CBX3: variants seen among roughly 807,000 people sequenced by gnomAD.
The protein encoded by CBX3 is chromobox 3.
A neutral mutation model predicts 22.6 loss-of-function variants in CBX3; 5 were observed. The ratio of observed to expected loss-of-function variants is 0.22; its 90% confidence interval spans 0.12 to 0.47. The LOEUF is 0.47. CBX3 is among the 20% of genes least tolerant of loss of function. The probability of loss-of-function intolerance (pLI) is 0.99; values close to 1 mark genes in which losing one functional copy is unlikely to be tolerated. For synonymous variants in CBX3, 50 were observed against 66.6 expected, an observed-to-expected ratio of 0.75 and a Z score of 1.21; for missense variants, 83 against 208.1, an observed-to-expected ratio of 0.40 and a Z score of 3.70.
chr7:26,206,968 C>T (rs1784689566), intron 3 of CBX3, among the ~76,000 whole-genome samples: 2 of 152,116 alleles, frequency 1.3e-5, no homozygotes, highest in African/African-American at 2.4e-5. Flanking sequence ...ATGTTTTAAG[C>T]TCTCTGGTTC....
At chr7:26,208,638 G>A in intron 4 of CBX3, 83 bp downstream of exon 4, 1 of 1,324,240 alleles carries the variant, frequency 7.6e-7, no homozygotes, top group Non-Finnish European at 1.0e-6. Context: ...TTGTTTTTTT[G>A]AGATGGAGTC....
At chr7:26,209,325 G>GTAAA (rs1185991717) in intron 4 of CBX3, among the ~76,000 whole-genome samples, 2 of 152,160 alleles carry the variant, frequency 1.3e-5, no homozygotes, top group East Asian at 3.9e-4. Context: ...CCTACTTTGT[G>GTAAA]TAAATGTGCA....
rs569181374 is a variant in CBX3 at position 26,205,174 on chromosome 7, T to C, written c.25-1194T>C. Among the ~76,000 whole-genome samples, 686 of 152,216 alleles carry C rather than the reference T, an allele frequency of 4.5e-3. 4 individuals are homozygous for C. Among genetic ancestry groups the C allele is most frequent in the Non-Finnish European group, 7.3e-3 (499 of 67,992 alleles). ...TGATTAACCATTTCAGGGTTTTTTT[T>C]CCCCCATTTTTAATCCTCTCATAAA... On this transcript the variant is annotated intron_variant, in intron 2 of 5. Coordinates refer to ENST00000396386, the MANE Select transcript of CBX3 (RefSeq NM_016587.4).
chr7:26,204,804 T>C (rs1784637655), intron 2 of CBX3, among the ~76,000 whole-genome samples: 2 of 152,192 alleles, frequency 1.3e-5, no homozygotes, highest in Non-Finnish European at 2.9e-5. Context: ...TTTGTGTTTT[T>C]TTGAGACAGA....
intron 2 of CBX3, among the ~76,000 whole-genome samples, chr7:26,204,062 T>C (rs916189825): frequency 2.6e-5 from 4 of 152,226 alleles, no homozygotes; most frequent in Non-Finnish European, 4.4e-5. Flanking sequence ...GTGAGATATG[T>C]GTGCTGTTAA....
At chr7:26,203,871 GTC>G (rs751747704) in intron 2 of CBX3, among the ~76,000 whole-genome samples, 4 of 152,138 alleles carry the variant, frequency 2.6e-5, no homozygotes, top group Non-Finnish European at 4.4e-5. Context: ...TCTGCATTAA[GTC>G]TGTTTACCCT....
chr7:26,201,644 G>C (rs982256190), upstream of CBX3: 6 of 136,986 alleles, frequency 4.4e-5, no homozygotes, highest in Admixed American at 3.7e-4. Flanking sequence ...CCCTCCCCCC[G>C]CCGGGCGCGC....
Position 26,212,220 on chromosome 7 carries a change from G to A in CBX3, c.*12G>A, listed in dbSNP as rs771563880. On this transcript the variant is annotated 3_prime_UTR_variant, in exon 6 of 6. Coordinates refer to ENST00000396386, the MANE Select transcript of CBX3 (RefSeq NM_016587.4). ...ATGAAGCTCAATAATTGTTCACATT[G>A]TTCTTTTATATATATTTATATATAT... is the stretch of plus-strand genomic sequence containing the variant. 18 of 1,368,594 alleles carry A rather than the reference G, an allele frequency of 1.3e-5. No individual in the cohort carries two copies. The African/African-American group carries it at 2.6e-4, about 19-fold the overall frequency. The allele number at this position is 1,368,594 out of a possible 1,614,324, so 84.8% of individuals were successfully genotyped here.
intron 2 of CBX3, among the ~76,000 whole-genome samples, chr7:26,204,684 G>T (rs762011465): frequency 3.9e-5 from 6 of 152,146 alleles, no homozygotes; most frequent in Admixed American, 1.3e-4. Flanking sequence ...TCCTTCTGTA[G>T]CCTTGAGGTG....
Position 26,213,156 on chromosome 7 carries a change from C to G in CBX3, c.*948C>G, listed in dbSNP as rs1411667954. Reference sequence around the variant, plus strand: ...AAATGTGTGAACAACCTTTTGTAACCTAACCTATTGACCTGCATGTTTTTT... The same window carrying G: ...AAATGTGTGAACAACCTTTTGTAACGTAACCTATTGACCTGCATGTTTTTT... On this transcript the variant is annotated 3_prime_UTR_variant, in exon 6 of 6. Coordinates refer to ENST00000396386, the MANE Select transcript of CBX3 (RefSeq NM_016587.4). The G allele has an allele frequency of 6.6e-6, 1 of 152,660 alleles. No individual in the cohort carries two copies. Among genetic ancestry groups the G allele is most frequent in the East Asian group, 1.9e-4 (1 of 5,206 alleles). The allele number at this position is 152,660 out of a possible 1,614,324, so 9.5% of individuals were successfully genotyped here. A position where few individuals can be genotyped will look rare whatever the true frequency, so the allele number is the denominator to read the frequency against.
At chr7:26,210,451 G>A (rs886303007) in intron 4 of CBX3, 2 of 152,196 alleles carry the variant, frequency 1.3e-5, no homozygotes, top group Non-Finnish European at 2.9e-5. Context: ...ACCACAAAGA[G>A]GTTAATTAAC....
rs540502792 is a variant in CBX3 at position 26,211,624 on chromosome 7, C to T, written c.331-38C>T. On this transcript the variant is annotated intron_variant, in intron 4 of 5. Coordinates refer to ENST00000396386, the MANE Select transcript of CBX3 (RefSeq NM_016587.4). ...AATACGCCATGAAAACAATTTAATA[C>T]TCTGAGTTTGCTGTATGAAAAAATG... 5.6e-4 allele frequency: 728 copies of T among 1,309,566 alleles called. 8 individuals are homozygous for T. The South Asian group carries it at 8.7e-3, about 16-fold the overall frequency. 81.1% of individuals were successfully genotyped at this position (1,309,566 alleles called of 1,614,324 possible). A position where few individuals can be genotyped will look rare whatever the true frequency, so the allele number is the denominator to read the frequency against.
Position 26,201,767 on chromosome 7 carries a change from A to AG in CBX3, c.-86dup, listed in dbSNP as rs1171066156. On this transcript the variant is annotated 5_prime_UTR_variant, in exon 1 of 6. Transcript: ENST00000396386. ...CCCCTTCGGATGTGGCTTGAGCTGTAGGCGCGGAGGGCCGGAGACGCTGCA... is the reference window on the plus strand; with the variant it reads ...CCCCTTCGGATGTGGCTTGAGCTGTAGGGCGCGGAGGGCCGGAGACGCTGCA... The AG allele has an allele frequency of 1.5e-5, 4 of 262,748 alleles. No individual in the cohort carries two copies. Among genetic ancestry groups the AG allele is most frequent in the Admixed American group, 1.4e-4 (3 of 21,028 alleles). 16.3% of individuals were successfully genotyped at this position (262,748 alleles called of 1,614,324 possible). A position where few individuals can be genotyped will look rare whatever the true frequency, so the allele number is the denominator to read the frequency against.
At chr7:26,208,865 G>A (rs993103801) in intron 4 of CBX3, among the ~76,000 whole-genome samples, 10 of 133,578 alleles carry the variant, frequency 7.5e-5, no homozygotes, top group South Asian at 2.5e-4. Context: ...TGATCCTCCC[G>A]CCTCGGCCTC....
chr7:26,211,847 ACTAT>A (rs1437732830), intron 5 of CBX3, 91 bp downstream of exon 5: 1 of 1,012,514 alleles, frequency 9.9e-7, no homozygotes, highest in Non-Finnish European at 1.5e-6. Context: ...GTAGGGAAAA[ACTAT>A]CTGCTGAGAG....
chr7:26,209,115 C>T (rs1373532416), intron 4 of CBX3, among the ~76,000 whole-genome samples: 1 of 151,018 alleles, frequency 6.6e-6, no homozygotes, highest in African/African-American at 2.4e-5. Context: ...CCATGTTGGC[C>T]AGACTGATCT....
At chr7:26,204,254 T>G (rs544423595) in intron 2 of CBX3, among the ~76,000 whole-genome samples, 1 of 152,018 alleles carries the variant, frequency 6.6e-6, no homozygotes, top group Non-Finnish European at 1.5e-5. Context: ...TAAACCTTAG[T>G]GTGTATCCTT....
upstream of CBX3, chr7:26,201,577 G>T (rs1322763993): frequency 6.6e-6 from 1 of 150,848 alleles, no homozygotes; most frequent in African/African-American, 2.4e-5. Flanking sequence ...TGCCGCGGTC[G>T]TCGGCGCCTC....
chr7:26,202,073 C>T (rs1784495592), intron 1 of CBX3: 1 of 151,714 alleles, frequency 6.6e-6, no homozygotes, highest in African/African-American at 2.4e-5. Context: ...CGACGGTTGC[C>T]CCATTTCGAG....
Sources: allele counts gnomAD v4.1 joint callset (sites outside exome capture counted in the v4.1 genomes callset), GRCh38; gene constraint gnomAD v4.1.1; transcripts MANE v1.5; gene names NCBI Gene and HGNC (gene_info 2026-07-23, HGNC 2026-07-21).